LOC128125817: variants seen among roughly 807,000 people sequenced by gnomAD.
chr1:41,623,041 G>A, the LOC128125817 span, among the ~76,000 whole-genome samples: 3,354 of 152,286 alleles, frequency 0.022, 127 homozygotes, highest in African/African-American at 0.077. Flanking sequence ...GACAGAGCCC[G>A]GATGCAAACC....
At chr1:41,609,017 G>A in the LOC128125817 span, among the ~76,000 whole-genome samples, 6 of 151,956 alleles carry the variant, frequency 3.9e-5, no homozygotes, top group African/African-American at 9.7e-5. Context: ...CTAGGAGGTG[G>A]AGGTTGCAGT....
At chr1:41,625,687 A>T in the LOC128125817 span, among the ~76,000 whole-genome samples, 1 of 152,232 alleles carries the variant, frequency 6.6e-6, no homozygotes, top group African/African-American at 2.4e-5. Context: ...GTGAGCTATG[A>T]TCACACCACT....
chr1:41,617,764 C>A, the LOC128125817 span, among the ~76,000 whole-genome samples: 1 of 152,230 alleles, frequency 6.6e-6, no homozygotes, highest in Non-Finnish European at 1.5e-5. Context: ...GAAAGAGACC[C>A]TTTGTGAGAT....
At chr1:41,595,593 A>G in the LOC128125817 span, among the ~76,000 whole-genome samples, 1 of 152,194 alleles carries the variant, frequency 6.6e-6, no homozygotes, top group Non-Finnish European at 1.5e-5. Flanking sequence ...GAGGCTTGTG[A>G]TGATTAATAT....
the LOC128125817 span, among the ~76,000 whole-genome samples, chr1:41,621,206 C>T: frequency 1.3e-5 from 2 of 152,230 alleles, no homozygotes; most frequent in Admixed American, 1.3e-4. Flanking sequence ...CTCTTCCTCC[C>T]ACAGACCACG....
At chr1:41,626,252 C>T in the LOC128125817 span, among the ~76,000 whole-genome samples, 3 of 152,370 alleles carry the variant, frequency 2.0e-5, no homozygotes, top group South Asian at 2.1e-4. Flanking sequence ...TATATCCCAG[C>T]TCCTCCCTGG....
the LOC128125817 span, among the ~76,000 whole-genome samples, chr1:41,625,971 T>C: frequency 1.3e-5 from 2 of 152,380 alleles, no homozygotes; most frequent in South Asian, 4.1e-4. Flanking sequence ...GTTTGAAAAC[T>C]GCTCAAGTTT....
the LOC128125817 span, among the ~76,000 whole-genome samples, chr1:41,610,318 C>G: frequency 6.6e-6 from 1 of 152,254 alleles, no homozygotes; most frequent in Non-Finnish European, 1.5e-5. Context: ...TTGCTGCTAT[C>G]ACATGTCTTA....
chr1:41,617,071 C>T, the LOC128125817 span, among the ~76,000 whole-genome samples: 5 of 152,136 alleles, frequency 3.3e-5, no homozygotes, highest in East Asian at 1.9e-4. Flanking sequence ...ACCACTCTAC[C>T]GTACTGCCTT....
At chr1:41,616,908 A>C in the LOC128125817 span, among the ~76,000 whole-genome samples, 1 of 152,242 alleles carries the variant, frequency 6.6e-6, no homozygotes, top group African/African-American at 2.4e-5. Context: ...TAACTCAGTT[A>C]CTGCTCCTAA....
the LOC128125817 span, among the ~76,000 whole-genome samples, chr1:41,618,839 CTT>C: frequency 1.3e-5 from 2 of 152,222 alleles, no homozygotes; most frequent in Admixed American, 6.5e-5. Context: ...TCTCAGAACT[CTT>C]TCTCTTATAC....
the LOC128125817 span, among the ~76,000 whole-genome samples, chr1:41,623,828 G>A: frequency 3.9e-5 from 6 of 152,090 alleles, no homozygotes; most frequent in African/African-American, 9.7e-5. Context: ...CTGGCCCCTC[G>A]GGTATCCTTT....
the LOC128125817 span, among the ~76,000 whole-genome samples, chr1:41,609,323 C>T: frequency 2.0e-5 from 3 of 152,248 alleles, no homozygotes; most frequent in African/African-American, 7.2e-5. Flanking sequence ...GCACAATGCC[C>T]ACCTAGTTCC....
the LOC128125817 span, among the ~76,000 whole-genome samples, chr1:41,594,627 A>G: frequency 6.6e-6 from 1 of 152,352 alleles, no homozygotes; most frequent in Admixed American, 6.5e-5. Context: ...TCTGGTTTAC[A>G]TAAACTCTTT....
the LOC128125817 span, among the ~76,000 whole-genome samples, chr1:41,614,144 C>A: frequency 1.3e-5 from 2 of 152,166 alleles, no homozygotes; most frequent in African/African-American, 4.8e-5. Context: ...GAGGTAGCCA[C>A]AACATGGGCA....
chr1:41,617,106 C>T, the LOC128125817 span, among the ~76,000 whole-genome samples: 2 of 152,202 alleles, frequency 1.3e-5, no homozygotes, highest in East Asian at 1.9e-4. Flanking sequence ...GGATCTGTCT[C>T]AATCTTGTTA....
the LOC128125817 span, among the ~76,000 whole-genome samples, chr1:41,619,821 C>T: frequency 2.0e-4 from 31 of 152,288 alleles, no homozygotes; most frequent in East Asian, 9.6e-4. Flanking sequence ...CAACCAGCCC[C>T]GGTAGAGCAG....
the LOC128125817 span, among the ~76,000 whole-genome samples, chr1:41,591,995 G>A: frequency 2.0e-5 from 3 of 152,144 alleles, no homozygotes; most frequent in Non-Finnish European, 2.9e-5. Flanking sequence ...GCTGCCTGAC[G>A]CTGACTTGAC....
chr1:41,594,368 G>A, the LOC128125817 span, among the ~76,000 whole-genome samples: 2 of 151,970 alleles, frequency 1.3e-5, no homozygotes, highest in Non-Finnish European at 2.9e-5. Flanking sequence ...GATTACAGGC[G>A]TGCACCACCA....
Sources: allele counts gnomAD v4.1 joint callset (sites outside exome capture counted in the v4.1 genomes callset), GRCh38; gene constraint gnomAD v4.1.1; transcripts MANE v1.5.